The following ZBED4 variants were observed in gnomAD, a reference collection of about 807,000 sequenced individuals.
ZBED4 encodes the protein zinc finger BED-type containing 4.
In ZBED4, 4 loss-of-function variants were observed where a neutral mutation model predicts 15.5. That is an observed-to-expected ratio of 0.26 (90% CI 0.13 to 0.59). ZBED4 has a LOEUF of 0.59. Ranked by LOEUF, ZBED4 falls within the 20% of genes least tolerant of loss-of-function variation. The probability of loss-of-function intolerance (pLI) is 0.90; values close to 1 mark genes in which losing one functional copy is unlikely to be tolerated. For synonymous variants in ZBED4, 692 were observed against 608.5 expected, an observed-to-expected ratio of 1.14 and a Z score of -2.02; for missense variants, 1,323 against 1,461.8, an observed-to-expected ratio of 0.91 and a Z score of 1.55.
intron 1 of ZBED4, among the ~76,000 whole-genome samples, chr22:49,866,916 GC>G (rs1367593127): frequency 1.6e-4 from 24 of 152,172 alleles, no homozygotes; most frequent in African/African-American, 5.6e-4. Flanking sequence ...CTTACCTCTT[GC>G]GCCTTCAGGA....
At chr22:49,860,779 CT>C (rs560679145) in intron 1 of ZBED4, among the ~76,000 whole-genome samples, 5,220 of 137,498 alleles carry the variant, frequency 0.038, 202 homozygotes, top group African/African-American at 0.12. Context: ...TCTAAGCAAC[CT>C]TTTTTTTTTT....
rs78471067 is a variant in ZBED4 at position 49,866,015 on chromosome 22, T to C, written c.-330+12026T>C. ...GGGCCACTGTGCCTGGCTAGTTCAC[T>C]TTTTTCCTTGAATGTCTTAACTATG... On this transcript the variant is annotated intron_variant, in intron 1 of 1. Transcript: ENST00000216268. Among the ~76,000 whole-genome samples the C allele has an allele frequency of 2.7e-3, 417 of 152,256 alleles. 4 individuals are homozygous for C. In the East Asian group the frequency reaches 0.032, roughly 12 times the overall value.
chr22:49,875,904 C>T (rs568499687), intron 1 of ZBED4, among the ~76,000 whole-genome samples: 2 of 150,790 alleles, frequency 1.3e-5, no homozygotes, highest in African/African-American at 2.4e-5. Flanking sequence ...TTTTATTGCT[C>T]TTTCCCAAGA....
chr22:49,863,174 GT>G lies in ZBED4; in HGVS notation c.-330+9188del, dbSNP rs1369687159. On this transcript the variant is annotated intron_variant, in intron 1 of 1. Coordinates refer to ENST00000216268, the MANE Select transcript of ZBED4 (RefSeq NM_014838.3). ...TATCCTTTGGTTTCTTGTAGATTGTGTTTGGTTGGTTGGTTGGTTGGTTGGT... is the reference window on the plus strand; with the variant it reads ...TATCCTTTGGTTTCTTGTAGATTGTGTTGGTTGGTTGGTTGGTTGGTTGGT... 2.0e-5 allele frequency among the ~76,000 whole-genome samples: 3 copies of G among 152,204 alleles called. No homozygotes were observed. In the South Asian group the frequency reaches 6.2e-4, roughly 32 times the overall value.
chr22:49,857,446 G>A (rs1427268542), intron 1 of ZBED4, among the ~76,000 whole-genome samples: 4 of 152,226 alleles, frequency 2.6e-5, no homozygotes, highest in Non-Finnish European at 5.9e-5. Flanking sequence ...TGACCTTAGC[G>A]TGGTCGCTGG....
At chr22:49,878,766 G>T (rs1200747739) in intron 1 of ZBED4, among the ~76,000 whole-genome samples, 1 of 152,084 alleles carries the variant, frequency 6.6e-6, no homozygotes, top group Admixed American at 6.6e-5. Flanking sequence ...TAGAAGACGA[G>T]GTGGGTGGAT....
chr22:49,882,990 T>G (rs1453467534), intron 1 of ZBED4, among the ~76,000 whole-genome samples: 1 of 152,260 alleles, frequency 6.6e-6, no homozygotes, highest in Non-Finnish European at 1.5e-5. Flanking sequence ...CTTTGCTGAT[T>G]ATAGCAGCTG....
chr22:49,885,478 C>A lies in ZBED4; in HGVS notation c.1816C>A (p.Arg606=). Residue 606 remains arginine (R), a synonymous_variant, in exon 2 of 2, where the codon CGG becomes AGG. Coordinates refer to ENST00000216268, the MANE Select transcript of ZBED4 (RefSeq NM_014838.3). ...CAGCTGTCTTCTGAGACATTTACAG[C>A]GGTTCCATAGCAACGTGCTGAAAAC... The part of the protein sequence containing the change: ...GTSCLLRHLQ[R]FHSNVLKTEV... 1 of 1,612,490 alleles carries A rather than the reference C, an allele frequency of 6.2e-7. No individual in the cohort carries two copies. The highest frequency in any genetic ancestry group is 8.5e-7 in the Non-Finnish European group (1 of 1,178,556).
rs1221143048 is a variant in ZBED4, at chr22:49,889,457, A to G, written c.*2279A>G. 6.0e-6 allele frequency: 1 copy of G among 166,890 alleles called. No individual in the cohort carries two copies. Among genetic ancestry groups the G allele is most frequent in the East Asian group, 1.9e-4 (1 of 5,230 alleles). The allele number at this position is 166,890 out of a possible 1,614,324, so 10.3% of individuals were successfully genotyped here. On this transcript the variant is annotated 3_prime_UTR_variant, in exon 2 of 2. Transcript: ENST00000216268. ...CTGGCCCTTGAGCTAGCCTGCCTTT[A>G]TGGGGTTTTTTTTGTTTGTTTTTTT...
At position 49,884,269 on chromosome 22, in the gene ZBED4, C is replaced by A; in HGVS notation, c.607C>A (p.Leu203Ile). The A allele has an allele frequency of 6.2e-7, 1 of 1,610,778 alleles. No homozygotes were observed. Among genetic ancestry groups the A allele is most frequent in the Non-Finnish European group, 8.5e-7 (1 of 1,178,276 alleles). The stretch of plus-strand genomic sequence containing the variant: ...GGACGCGGGTGACCTCAGCACCATC[C>A]TCTCACCCATCAAACTTGTCCAGAA... ...PADAGDLSTILSPIKLVQKVA... is the reference protein window; with the variant it reads ...PADAGDLSTIISPIKLVQKVA... Residue 203 changes from leucine (L) to isoleucine (I), a missense_variant, in exon 2 of 2, where the codon CTC becomes ATC. Leu to Ile is a conservative substitution (Grantham distance 5). Transcript: ENST00000216268.
intron 1 of ZBED4, among the ~76,000 whole-genome samples, chr22:49,863,724 G>T (rs1385977853): frequency 6.6e-6 from 1 of 152,028 alleles, no homozygotes. Flanking sequence ...CCACTCTCTG[G>T]TGTTATAGTT....
At chr22:49,867,559 C>T (rs1035913642) in intron 1 of ZBED4, among the ~76,000 whole-genome samples, 5 of 152,198 alleles carry the variant, frequency 3.3e-5, no homozygotes, top group African/African-American at 1.2e-4. Context: ...TGCCCCAGAT[C>T]GGACCTTGGA....
In ZBED4 at chr22:49,890,058, A is replaced by G. The variant is rs553493330; in HGVS notation, c.*2880A>G. 1.2e-5 allele frequency: 2 copies of G among 166,110 alleles called. No individual in the cohort carries two copies. Among genetic ancestry groups the G allele is most frequent in the South Asian group, 2.1e-4 (1 of 4,822 alleles). 10.3% of individuals were successfully genotyped at this position (166,110 alleles called of 1,614,324 possible). ...GAAGTAAAAGATGATAAAAAAATAAAAACTTTATTTCTTGGCTGGGCACAG... is the reference window on the plus strand; with the variant it reads ...GAAGTAAAAGATGATAAAAAAATAAGAACTTTATTTCTTGGCTGGGCACAG... On this transcript the variant is annotated 3_prime_UTR_variant, in exon 2 of 2. Coordinates refer to ENST00000216268, the MANE Select transcript of ZBED4 (RefSeq NM_014838.3).
intron 1 of ZBED4, among the ~76,000 whole-genome samples, chr22:49,881,784 C>G (rs868111011): frequency 6.6e-6 from 1 of 152,330 alleles, no homozygotes; most frequent in Middle Eastern, 3.4e-3. Flanking sequence ...CCTCCCACCT[C>G]AGCCTCCCAA....
chr22:49,863,306 C>T (rs559821877), intron 1 of ZBED4, among the ~76,000 whole-genome samples: 19 of 152,248 alleles, frequency 1.2e-4, no homozygotes, highest in South Asian at 2.1e-4. Context: ...ACCACAGGCA[C>T]GCATCACCAC....
In ZBED4 at chr22:49,886,822, C is replaced by G. The variant is rs1397220122; in HGVS notation, c.3160C>G (p.Pro1054Ala). 1 of 1,613,672 alleles carries G rather than the reference C, an allele frequency of 6.2e-7. No homozygotes were observed. Among genetic ancestry groups the G allele is most frequent in the South Asian group, 1.1e-5 (1 of 91,048 alleles). The change falls in exon 2 of 2, where the codon CCG (proline) becomes GCG (alanine). Residue 1054 changes from proline to alanine, a missense_variant. Around this residue, in one of 6 missense-constraint regions of ZBED4, gnomAD observed 312 missense variants for 410.7 expected, o/e 0.76. Transcript: ENST00000216268. The surrounding 1 kb of genome is among the most constrained non-coding windows in gnomAD (Gnocchi z 7.7). ...AASHRCDAGSPSKDSAAEENL... is the reference protein window; with the variant it reads ...AASHRCDAGSASKDSAAEENL... ...CTCCCACAGGTGTGATGCTGGCTCC[C>G]CGTCGAAAGACTCTGCCGCAGAGGA...
intron 1 of ZBED4, among the ~76,000 whole-genome samples, chr22:49,855,442 C>T (rs1285356594): frequency 6.6e-6 from 1 of 152,206 alleles, no homozygotes. Flanking sequence ...TCCCCAACCC[C>T]CTCCACACAC....
rs200951526 is a variant in ZBED4 at position 49,885,940 on chromosome 22, C to T, written c.2278C>T (p.Arg760Cys). Residue 760 changes from arginine (R) to cysteine (C), a missense_variant, in exon 2 of 2, where the codon CGC (arginine) becomes TGC (cysteine). By Grantham distance (180) the Arg-to-Cys change is radical. This residue lies in a region of ZBED4 where 100 missense variants were observed against 79.3 expected (regional missense o/e 1.26). Transcript: ENST00000216268. Reference sequence around the variant, plus strand: ...TTCCTTCGAGTCGCCAGCCCGGCCGCGCTGTGACGACCACCACTGCTCGGC... The same window carrying T: ...TTCCTTCGAGTCGCCAGCCCGGCCGTGCTGTGACGACCACCACTGCTCGGC... ...WVSFESPARP[R>C]CDDHHCSALL... 2.6e-5 allele frequency: 20 copies of T among 782,872 alleles called. No individual in the cohort carries two copies. The highest frequency in any genetic ancestry group is 1.2e-4 in the East Asian group (5 of 40,888). 48.5% of individuals were successfully genotyped at this position (782,872 alleles called of 1,614,324 possible).
Position 49,884,387 on chromosome 22 carries a change from C to T in ZBED4, c.725C>T (p.Ser242Leu), listed in dbSNP as rs773385821. The change falls in exon 2 of 2, where the codon TCG becomes TTG. Residue 242 changes from serine (S) to leucine (L), a missense_variant. Coordinates refer to ENST00000216268, the MANE Select transcript of ZBED4 (RefSeq NM_014838.3). ...SEEISSDMSVSEKCGREEALV... is the reference protein window; with the variant it reads ...SEEISSDMSVLEKCGREEALV... ...GAAATCTCCTCTGACATGTCCGTTT[C>T]GGAGAAGTGCGGCAGAGAAGAAGCC... The T allele has an allele frequency of 1.2e-5, 20 of 1,612,312 alleles. No individual in the cohort carries two copies. The highest frequency in any genetic ancestry group is 6.7e-5 in the East Asian group (3 of 44,870).
Sources: gnomAD v4.1 joint callset for allele counts (sites outside exome capture counted in the v4.1 genomes callset) on GRCh38, gnomAD v4.1.1 for gene constraint, gnomAD v4.1.1 regional missense constraint, Gnocchi (gnomAD v3.1) non-coding constraint, MANE v1.5 for transcripts, NCBI Gene and HGNC (gene_info 2026-07-23, HGNC 2026-07-21) for gene names.